The following SLC44A5 variants were observed in gnomAD, a reference collection of about 807,000 sequenced individuals.
The protein encoded by SLC44A5 is choline transporter-like protein 5.
A neutral mutation model predicts 101.8 loss-of-function variants in SLC44A5; 57 were observed. The observed-to-expected ratio is 0.56, with a 90% confidence interval of 0.45 to 0.70. SLC44A5 has a LOEUF of 0.70. Among genes scored for constraint, SLC44A5 ranks in the 30% least tolerant of loss-of-function variants. The pLI is 0.00. For synonymous variants in SLC44A5, 281 were observed against 290.9 expected (o/e 0.97, Z 0.35); for missense variants, 737 against 853.1 (o/e 0.86, Z 1.70).
At chr1:75,473,480 G>C (rs1467562605) in intron 2 of SLC44A5, among the ~76,000 whole-genome samples, 1 of 152,164 alleles carries the variant, frequency 6.6e-6, no homozygotes, top group African/African-American at 2.4e-5. Context: ...ACAATTTTTG[G>C]TGAGGTAGGC....
chr1:75,393,696 A>G (rs1661944047), intron 3 of SLC44A5, among the ~76,000 whole-genome samples: 2 of 152,214 alleles, frequency 1.3e-5, no homozygotes, highest in Non-Finnish European at 1.5e-5. Flanking sequence ...TTATTTGCTC[A>G]CTTCACAACT....
At chr1:75,472,296 ATTCT>A (rs1384217389) in intron 2 of SLC44A5, among the ~76,000 whole-genome samples, 2 of 151,932 alleles carry the variant, frequency 1.3e-5, no homozygotes, top group African/African-American at 4.8e-5. Flanking sequence ...TATCAACTTA[ATTCT>A]TTCTTTTGAG....
chr1:75,516,151 G>A (rs1434468806), intron 2 of SLC44A5, among the ~76,000 whole-genome samples: 1 of 152,170 alleles, frequency 6.6e-6, no homozygotes, highest in Non-Finnish European at 1.5e-5. Context: ...TATCTTTGCA[G>A]AAATACCATT....
At chr1:75,256,999 C>G (rs1421334683) in intron 6 of SLC44A5, among the ~76,000 whole-genome samples, 1 of 152,078 alleles carries the variant, frequency 6.6e-6, no homozygotes, top group Non-Finnish European at 1.5e-5. Context: ...ATTTAAAGTT[C>G]TGTAAAAACC....
chr1:75,445,402 TCTC>T (rs1469550748), intron 2 of SLC44A5, among the ~76,000 whole-genome samples: 8 of 151,792 alleles, frequency 5.3e-5, no homozygotes, highest in African/African-American at 1.9e-4. Context: ...GCTAAATAAA[TCTC>T]CTTTTAAATT....
chr1:75,633,731 G>T, the SLC44A5 span, among the ~76,000 whole-genome samples: 1 of 151,508 alleles, frequency 6.6e-6, no homozygotes, highest in African/African-American at 2.4e-5. Flanking sequence ...CTGCCTAATT[G>T]CCCTGGCCAG....
chr1:75,496,811 TATGGGC>T (rs1185164994), intron 2 of SLC44A5, among the ~76,000 whole-genome samples: 3 of 151,944 alleles, frequency 2.0e-5, no homozygotes, highest in African/African-American at 7.2e-5. Flanking sequence ...CAATTAAAAA[TATGGGC>T]AAAGGACTTA....
Position 75,426,896 on chromosome 1 carries a change from C to G in SLC44A5, c.14-30275G>C, listed in dbSNP as rs147094311. Among the ~76,000 whole-genome samples, 616 of 152,342 alleles carry G rather than the reference C, an allele frequency of 4.0e-3. 6 individuals are homozygous for G. The highest frequency in any genetic ancestry group is 0.014 in the African/African-American group (570 of 41,592). On this transcript the variant is annotated intron_variant, in intron 2 of 23. Coordinates refer to ENST00000370859, the MANE Select transcript of SLC44A5 (RefSeq NM_001130058.2). ...AGTGGCAGCATCCTTGCCAGCGGGA[C>G]AAGCTGCAGCGTCCATCTTTCAGCG...
intron 6 of SLC44A5, among the ~76,000 whole-genome samples, chr1:75,266,283 T>C (rs895730340): frequency 4.7e-5 from 7 of 149,362 alleles, no homozygotes; most frequent in Non-Finnish European, 5.9e-5. Context: ...TTCTTACACA[T>C]CCTAACATAG....
At chr1:75,608,449 A>G (rs1281800978) in intron 1 of SLC44A5, among the ~76,000 whole-genome samples, 1 of 151,826 alleles carries the variant, frequency 6.6e-6, no homozygotes, top group African/African-American at 2.4e-5. Flanking sequence ...CTAGTTTCTC[A>G]TTACCCCTAC....
the SLC44A5 span, among the ~76,000 whole-genome samples, chr1:75,682,425 G>C: frequency 4.1e-4 from 63 of 151,880 alleles, no homozygotes; most frequent in Non-Finnish European, 7.2e-4. Context: ...CAATGGAACA[G>C]AACAGAGCCC....
intron 2 of SLC44A5, among the ~76,000 whole-genome samples, chr1:75,455,276 A>C (rs887306631): frequency 1.3e-5 from 2 of 152,134 alleles, no homozygotes; most frequent in African/African-American, 4.8e-5. Context: ...AGGACTCTCT[A>C]TTCAATATAT....
At chr1:75,532,974 C>T (rs937405045) in intron 2 of SLC44A5, among the ~76,000 whole-genome samples, 2 of 152,188 alleles carry the variant, frequency 1.3e-5, no homozygotes, top group African/African-American at 4.8e-5. Flanking sequence ...GCAATCTAAA[C>T]TTTCCTTATT....
At chr1:75,665,934 G>C in the SLC44A5 span, among the ~76,000 whole-genome samples, 1 of 152,044 alleles carries the variant, frequency 6.6e-6, no homozygotes, top group Admixed American at 6.6e-5. Flanking sequence ...TCTCATACCA[G>C]TCAGAATGGC....
intron 3 of SLC44A5, among the ~76,000 whole-genome samples, chr1:75,362,213 G>T (rs1383257406): frequency 1.3e-5 from 2 of 150,790 alleles, no homozygotes; most frequent in Non-Finnish European, 3.0e-5. Flanking sequence ...TCTAGCTAAG[G>T]TTTTGTTGAC....
chr1:75,321,116 G>A (rs1042592897), intron 4 of SLC44A5, among the ~76,000 whole-genome samples: 2 of 152,092 alleles, frequency 1.3e-5, no homozygotes, highest in African/African-American at 4.8e-5. Flanking sequence ...TTGTTGCTCA[G>A]AAATCTTTGT....
chr1:75,378,935 C>T (rs1660792579), intron 3 of SLC44A5, among the ~76,000 whole-genome samples: 1 of 81,510 alleles, frequency 1.2e-5, no homozygotes, highest in Non-Finnish European at 2.1e-5. Flanking sequence ...CCCTCAGCTG[C>T]CCACTAGGAG....
At chr1:75,372,417 C>A (rs1660290431) in intron 3 of SLC44A5, among the ~76,000 whole-genome samples, 1 of 151,962 alleles carries the variant, frequency 6.6e-6, no homozygotes, top group African/African-American at 2.4e-5. Flanking sequence ...ATATTTTAAT[C>A]CTGGCATTCT....
chr1:75,565,432 C>T (rs1316474586), intron 1 of SLC44A5, among the ~76,000 whole-genome samples: 1 of 152,202 alleles, frequency 6.6e-6, no homozygotes, highest in Non-Finnish European at 1.5e-5. Flanking sequence ...ATAACAGCAG[C>T]AGTTAATTAT....
Sources: gnomAD v4.1 joint callset for allele counts (sites outside exome capture counted in the v4.1 genomes callset) on GRCh38, gnomAD v4.1.1 for gene constraint, MANE v1.5 for transcripts, NCBI Gene and HGNC (gene_info 2026-07-23, HGNC 2026-07-21) for gene names.